The following ZMYM2 variants were observed in gnomAD, a reference collection of about 807,000 sequenced individuals.
The protein encoded by ZMYM2 is zinc finger MYM-type containing 2, also known as zinc finger MYM-type protein 2.
Under a neutral mutation model 162.8 loss-of-function variants are expected in ZMYM2, and 56 were observed. That is an observed-to-expected ratio of 0.34 (90% CI 0.28 to 0.43). The LOEUF (loss-of-function observed/expected upper bound fraction) is 0.43. Ranked by LOEUF, ZMYM2 falls within the 20% of genes least tolerant of loss-of-function variation. The pLI, the probability that ZMYM2 is intolerant of heterozygous loss-of-function variation, is 1.00. For synonymous variants in ZMYM2, 510 were observed against 541.6 expected (o/e 0.94, Z 0.81); for missense variants, 1,275 against 1,621.8 (o/e 0.79, Z 3.67).
At chr13:19,937,762 A>T in the ZMYM2 span, among the ~76,000 whole-genome samples, 5 of 146,896 alleles carry the variant, frequency 3.4e-5, no homozygotes, top group African/African-American at 1.2e-4. Context: ...AGCATTAGGT[A>T]TATCTCCTAG....
At chr13:20,011,585 T>A (rs541046675) in intron 6 of ZMYM2, among the ~76,000 whole-genome samples, 5 of 151,010 alleles carry the variant, frequency 3.3e-5, no homozygotes, top group South Asian at 4.2e-4. Flanking sequence ...TTTATTTTTT[T>A]TTTTTTTGAG....
In ZMYM2 at chr13:20,082,766, TTC is replaced by T; in HGVS notation, c.3569-9_3569-8del. 2 of 1,519,012 alleles carry T rather than the reference TTC, an allele frequency of 1.3e-6. No homozygotes were observed. The highest frequency in any genetic ancestry group is 1.8e-6 in the Non-Finnish European group (2 of 1,132,944). 94.1% of individuals were successfully genotyped at this position (1,519,012 alleles called of 1,614,324 possible). A position where few individuals can be genotyped will look rare whatever the true frequency, so the allele number is the denominator to read the frequency against. On this transcript the variant is annotated splice_polypyrimidine_tract_variant and intron_variant, in intron 22 of 24. Transcript: ENST00000610343. ...ATTTATTATAATTCTTTTAAAATAGTTCTCTCTATTTAAGGGTCAATATTCTC... is the reference window on the plus strand; with the variant it reads ...ATTTATTATAATTCTTTTAAAATAGTTCTCTATTTAAGGGTCAATATTCTC...
At chr13:19,907,376 A>G in the ZMYM2 span, among the ~76,000 whole-genome samples, 7 of 152,126 alleles carry the variant, frequency 4.6e-5, no homozygotes, top group Non-Finnish European at 8.8e-5. Flanking sequence ...TGCTGCTTTG[A>G]TGTGTGATGT....
At chr13:20,048,789 T>C (rs540150598) in intron 12 of ZMYM2, among the ~76,000 whole-genome samples, 1 of 136,512 alleles carries the variant, frequency 7.3e-6, no homozygotes, top group South Asian at 2.5e-4. Flanking sequence ...TTAGATTTGT[T>C]TGAACCTGTG....
chr13:20,028,576 C>T (rs1277603316), intron 9 of ZMYM2, among the ~76,000 whole-genome samples: 1 of 152,050 alleles, frequency 6.6e-6, no homozygotes, highest in Non-Finnish European at 1.5e-5. Context: ...CAAGTGGTAC[C>T]AGGACCTCCT....
chr13:19,895,049 A>C, the ZMYM2 span, among the ~76,000 whole-genome samples: 118,405 of 142,724 alleles, frequency 0.83, 50,879 homozygotes, highest in Non-Finnish European at 0.92. Context: ...TTCACTCCAG[A>C]CTGGGCGAAA....
chr13:19,951,406 CG>C, the ZMYM2 span, among the ~76,000 whole-genome samples: 1 of 151,400 alleles, frequency 6.6e-6, no homozygotes, highest in East Asian at 1.9e-4. Flanking sequence ...AATAGGCAAA[CG>C]GGCCAGATGC....
chr13:19,931,000 G>A, the ZMYM2 span, among the ~76,000 whole-genome samples: 92 of 151,458 alleles, frequency 6.1e-4, no homozygotes, highest in African/African-American at 2.1e-3. Context: ...TTAGCCAGGC[G>A]CGGTGGCGGG....
In ZMYM2 at chr13:20,089,012, T is replaced by G. The variant is rs1958419348; in HGVS notation, c.*2998T>G. ...GTATTGTTATACATGTCACTTATGT[T>G]TTTAAGCTAATATTGACTGTAGGAT... On this transcript the variant is annotated 3_prime_UTR_variant, in exon 25 of 25. Transcript: ENST00000610343. 2 of 198,170 alleles carry G rather than the reference T, an allele frequency of 1.0e-5. No homozygotes were observed. The highest frequency in any genetic ancestry group is 2.1e-5 in the Non-Finnish European group (2 of 95,676). 12.3% of individuals were successfully genotyped at this position (198,170 alleles called of 1,614,324 possible). A position where few individuals can be genotyped will look rare whatever the true frequency, so the allele number is the denominator to read the frequency against.
the ZMYM2 span, among the ~76,000 whole-genome samples, chr13:19,910,242 G>A: frequency 2.0e-5 from 3 of 151,724 alleles, no homozygotes; most frequent in South Asian, 2.1e-4. Context: ...AAAAAAAGTT[G>A]TATTAGGCCA....
intron 24 of ZMYM2, among the ~76,000 whole-genome samples, chr13:20,084,751 G>C (rs1328657777): frequency 2.0e-5 from 3 of 152,188 alleles, no homozygotes; most frequent in African/African-American, 7.2e-5. Flanking sequence ...ATGCTTGCCT[G>C]TTGTTTTAAG....
intron 12 of ZMYM2, among the ~76,000 whole-genome samples, chr13:20,047,575 C>G (rs541724357): frequency 2.4e-4 from 37 of 152,218 alleles, no homozygotes; most frequent in Non-Finnish European, 4.3e-4. Context: ...AGTACACACA[C>G]ATTGTATTTT....
intron 2 of ZMYM2, among the ~76,000 whole-genome samples, chr13:19,990,539 T>C (rs777931421): frequency 6.6e-6 from 1 of 152,234 alleles, no homozygotes; most frequent in Non-Finnish European, 1.5e-5. Flanking sequence ...CCAAACTAGT[T>C]ATCTCTTCAC....
chr13:19,867,711 C>T, the ZMYM2 span, among the ~76,000 whole-genome samples: 2 of 151,980 alleles, frequency 1.3e-5, no homozygotes, highest in Non-Finnish European at 2.9e-5. Context: ...CTGCAACCTC[C>T]GCCTCCCGGG....
chr13:19,948,957 G>T, the ZMYM2 span, among the ~76,000 whole-genome samples: 3 of 152,204 alleles, frequency 2.0e-5, no homozygotes, highest in Non-Finnish European at 4.4e-5. Context: ...TTGTGTGTAT[G>T]TGTTTTTGTT....
At chr13:20,019,330 C>A (rs1008444245) in intron 6 of ZMYM2, among the ~76,000 whole-genome samples, 1 of 152,068 alleles carries the variant, frequency 6.6e-6, no homozygotes, top group African/African-American at 2.4e-5. Context: ...ACTGTTTTAT[C>A]ATCATACCAT....
At chr13:20,031,933 C>T (rs1566349038) in intron 10 of ZMYM2, among the ~76,000 whole-genome samples, 1 of 146,336 alleles carries the variant, frequency 6.8e-6, no homozygotes, top group African/African-American at 2.5e-5. Flanking sequence ...TGCAGTGGCA[C>T]GATCTCGGCT....
At chr13:20,019,843 A>G (rs1474852488) in intron 7 of ZMYM2, 1 of 475,852 alleles carries the variant, frequency 2.1e-6, no homozygotes, top group African/African-American at 2.0e-5. Context: ...TTAGTTATTT[A>G]TGTTCTTAGG....
the ZMYM2 span, among the ~76,000 whole-genome samples, chr13:19,929,485 G>T: frequency 3.3e-5 from 5 of 151,938 alleles, no homozygotes; most frequent in African/African-American, 9.7e-5. Flanking sequence ...TGATCTGCCC[G>T]CCTCGACCTC....
Sources: allele counts gnomAD v4.1 joint callset (sites outside exome capture counted in the v4.1 genomes callset), GRCh38; gene constraint gnomAD v4.1.1; transcripts MANE v1.5; gene names NCBI Gene and HGNC (gene_info 2026-07-23, HGNC 2026-07-21).